MZT2B: variants seen among roughly 807,000 people sequenced by gnomAD.
MZT2B encodes the protein mitotic spindle organizing protein 2B, also known as mitotic-spindle organizing protein 2B.
MZT2B carries 11 observed loss-of-function variants against 12.1 expected under a neutral mutation model. That is an observed-to-expected ratio of 0.91 (90% CI 0.57 to 1.50). The LOEUF (loss-of-function observed/expected upper bound fraction) is 1.50. MZT2B is among the 40% of genes most tolerant of loss of function. The pLI, the probability that MZT2B is intolerant of heterozygous loss-of-function variation, is 0.00. For synonymous variants in MZT2B, 85 were observed against 109.5 expected (o/e 0.78, Z 1.40); for missense variants, 209 against 227.7 (o/e 0.92, Z 0.53).
chr2:130,192,163 T>C, downstream of MZT2B: 1 of 1,568,506 alleles, frequency 6.4e-7, no homozygotes, highest in Non-Finnish European at 8.6e-7. Context: ...TCCGTGAAGC[T>C]TATATCAAAC....
At chr2:130,194,668 G>T (rs1690361084), downstream of MZT2B, among the ~76,000 whole-genome samples, 1 of 152,164 alleles carries the variant, frequency 6.6e-6, no homozygotes, top group Non-Finnish European at 1.5e-5. Context: ...GACTCAAGAT[G>T]CTGGTCTAAG....
downstream of MZT2B, among the ~76,000 whole-genome samples, chr2:130,192,752 A>C (rs34270504): frequency 2.0e-5 from 3 of 152,196 alleles, no homozygotes; most frequent in Admixed American, 1.3e-4. Flanking sequence ...AGGTCCTGGC[A>C]GCAGTGCACA....
intron 2 of MZT2B, chr2:130,183,947 C>A: frequency 6.4e-7 from 1 of 1,550,590 alleles, no homozygotes. Flanking sequence ...TCTCTTGCTG[C>A]CTGTTCTCTC....
chr2:130,204,703 AAGGG>A, the MZT2B span, among the ~76,000 whole-genome samples: 172 of 53,708 alleles, frequency 3.2e-3, 7 homozygotes, highest in South Asian at 0.067. Context: ...AAAAAAAAAA[AAGGG>A]GGGGTGGGGA....
downstream of MZT2B, chr2:130,193,641 T>G: frequency 1.1e-6 from 1 of 943,150 alleles, no homozygotes; most frequent in Non-Finnish European, 1.5e-6. Context: ...ACTGAATCAA[T>G]TATCAACTCT....
intron 2 of MZT2B, among the ~76,000 whole-genome samples, chr2:130,188,642 G>A (rs901773249): frequency 1.1e-4 from 16 of 152,108 alleles, no homozygotes; most frequent in African/African-American, 2.2e-4. Flanking sequence ...GCATGACACC[G>A]CTGTAACCCT....
At chr2:130,183,753 G>T (rs1689922613) in intron 2 of MZT2B, 1 of 1,550,582 alleles carries the variant, frequency 6.4e-7, no homozygotes, top group Non-Finnish European at 8.7e-7. Context: ...CCTTCGCTCT[G>T]TCTGCTCTCT....
In MZT2B at chr2:130,190,488, TGCCCTCGGGGGAGCATTG is replaced by T; in HGVS notation, c.345_362del (p.Gly116_Leu121del). ...CCTCAGGGAGAAACAAAGGCAGCGC[TGCCCTCGGGGGAGCATTG>T]GCCCTGGCGGAACGCAGCAGCCGCG... On this transcript the variant is annotated inframe_deletion, in exon 3 of 3. Transcript: ENST00000281871. 1 of 1,613,634 alleles carries T rather than the reference TGCCCTCGGGGGAGCATTG, an allele frequency of 6.2e-7. No homozygotes were observed. The highest frequency in any genetic ancestry group is 8.5e-7 in the Non-Finnish European group (1 of 1,179,850).
chr2:130,194,012 G>A (rs1312773393), downstream of MZT2B: 8 of 1,614,186 alleles, frequency 5.0e-6, no homozygotes, highest in East Asian at 2.2e-5. Flanking sequence ...CTTCTCAGCT[G>A]AGATGACTGG....
chr2:130,196,834 C>T, the MZT2B span, among the ~76,000 whole-genome samples: 1 of 152,202 alleles, frequency 6.6e-6, no homozygotes, highest in Non-Finnish European at 1.5e-5. Context: ...CCCAGTTCTA[C>T]CCCGTCCATC....
intron 2 of MZT2B, among the ~76,000 whole-genome samples, chr2:130,185,270 C>T (rs2104725885): frequency 6.7e-6 from 1 of 150,138 alleles, no homozygotes; most frequent in African/African-American, 2.5e-5. Flanking sequence ...GAGATCACAC[C>T]ACTGCACTCC....
chr2:130,182,034 T>TCGCCAAGCAGCGGACCCCTGCGGTC, upstream of MZT2B: 5 of 1,347,894 alleles, frequency 3.7e-6, no homozygotes, highest in Non-Finnish European at 4.8e-6. Context: ...GAGGCCCAGA[T>TCGCCAAGCAGCGGACCCCTGCGGTC]CGCCAAGCAG....
At chr2:130,199,993 G>A in the MZT2B span, among the ~76,000 whole-genome samples, 1 of 152,080 alleles carries the variant, frequency 6.6e-6, no homozygotes, top group Non-Finnish European at 1.5e-5. Flanking sequence ...CTACTTGGGA[G>A]GCTGAGGTAG....
chr2:130,190,052 A>G (rs2443643), intron 2 of MZT2B, among the ~76,000 whole-genome samples: 190 of 152,326 alleles, frequency 1.2e-3, no homozygotes, highest in African/African-American at 4.0e-3. Context: ...GCAGTCCAGC[A>G]TGAACACACC....
intron 2 of MZT2B, among the ~76,000 whole-genome samples, chr2:130,186,052 GA>G (rs1690048099): frequency 2.6e-5 from 4 of 152,110 alleles, no homozygotes; most frequent in South Asian, 2.1e-4. Context: ...GGAATGCTGA[GA>G]GCTCTCTGAG....
chr2:130,182,709 C>G lies in MZT2B; in HGVS notation c.253C>G (p.Leu85Val), dbSNP rs1689797370. The change falls in exon 2 of 3, where the codon CTA (leucine) becomes GTA (valine). Residue 85 changes from leucine (L) to valine (V), a missense_variant. Coordinates refer to ENST00000281871, the MANE Select transcript of MZT2B (RefSeq NM_025029.5). ...MLKSMCAGQR[L>V]ASEPQDPAAV... ...CAAGTCCATGTGTGCCGGGCAGAGGCTAGCGAGCGAGCCCCAGGACCCTGC... is the reference window on the plus strand; with the variant it reads ...CAAGTCCATGTGTGCCGGGCAGAGGGTAGCGAGCGAGCCCCAGGACCCTGC... 3.9e-6 allele frequency: 6 copies of G among 1,542,600 alleles called. No homozygotes were observed. Among genetic ancestry groups the G allele is most frequent in the Non-Finnish European group, 5.3e-6 (6 of 1,142,244 alleles).
downstream of MZT2B, chr2:130,195,128 G>T (rs192490751): frequency 2.0e-5 from 32 of 1,613,206 alleles, no homozygotes; most frequent in Non-Finnish European, 2.5e-5. Flanking sequence ...CTTGCCGATG[G>T]TGTAATGGCC....
At chr2:130,195,759 G>A in the MZT2B span, among the ~76,000 whole-genome samples, 4 of 152,220 alleles carry the variant, frequency 2.6e-5, no homozygotes, top group African/African-American at 9.6e-5. Context: ...TGACTGTTCT[G>A]TACTTACCTT....
intron 2 of MZT2B, chr2:130,183,737 C>T (rs1353292141): frequency 2.6e-6 from 4 of 1,550,438 alleles, no homozygotes; most frequent in Admixed American, 3.9e-5. Context: ...CTGGCCTCTT[C>T]ACTGACCTTC....
Sources: allele counts gnomAD v4.1 joint callset (sites outside exome capture counted in the v4.1 genomes callset), GRCh38; gene constraint gnomAD v4.1.1; transcripts MANE v1.5; gene names NCBI Gene and HGNC (gene_info 2026-07-23, HGNC 2026-07-21).